Variants in GLDC observed in about 807,000 individuals in gnomAD.
The protein encoded by GLDC is glycine dehydrogenase (decarboxylating), mitochondrial.
In GLDC, 104 loss-of-function variants were observed where a neutral mutation model predicts 121.3. The observed-to-expected ratio is 0.86, with a 90% CI of 0.73 to 1.01. GLDC has a LOEUF of 1.01. Ranked by LOEUF, GLDC falls within the 50% of genes least tolerant of loss-of-function variation. The pLI is 0.00. For synonymous variants in GLDC, 546 were observed against 480.6 expected, an observed-to-expected ratio of 1.14 and a Z score of -1.78; for missense variants, 1,429 against 1,306.6, an observed-to-expected ratio of 1.09 and a Z score of -1.44.
At chr9:6,621,190 A>C (rs912400591) in intron 2 of GLDC, among the ~76,000 whole-genome samples, 1 of 152,052 alleles carries the variant, frequency 6.6e-6, no homozygotes, top group African/African-American at 2.4e-5. Flanking sequence ...CAAAAGCAAA[A>C]AAACACACCC....
At chr9:6,618,451 G>A (rs1237214735) in intron 3 of GLDC, among the ~76,000 whole-genome samples, 1 of 152,024 alleles carries the variant, frequency 6.6e-6, no homozygotes, top group Non-Finnish European at 1.5e-5. Flanking sequence ...GCGATTACAG[G>A]CATGCACCAC....
chr9:6,612,612 C>T (rs1310506001), intron 3 of GLDC, among the ~76,000 whole-genome samples: 1 of 151,994 alleles, frequency 6.6e-6, no homozygotes, highest in African/African-American at 2.4e-5. Context: ...TGTAAGTAAT[C>T]CCAGCACGTT....
chr9:6,571,666 C>T (rs1345433348), intron 15 of GLDC, among the ~76,000 whole-genome samples: 1 of 152,184 alleles, frequency 6.6e-6, no homozygotes, highest in Non-Finnish European at 1.5e-5. Context: ...TGGGATGGAA[C>T]AAGATGCTGC....
chr9:6,621,199 C>G (rs551294235), intron 2 of GLDC, among the ~76,000 whole-genome samples: 1 of 152,008 alleles, frequency 6.6e-6, no homozygotes, highest in Non-Finnish European at 1.5e-5. Context: ...AAAAACACAC[C>G]CTTATGCAGT....
At chr9:6,586,368 G>T (rs571335823) in intron 15 of GLDC, among the ~76,000 whole-genome samples, 29 of 152,166 alleles carry the variant, frequency 1.9e-4, no homozygotes, top group Non-Finnish European at 2.4e-4. Flanking sequence ...TGATCAGTGC[G>T]TCTGGAGCGG....
intron 15 of GLDC, among the ~76,000 whole-genome samples, chr9:6,583,879 C>A (rs7036653): frequency 0.54 from 81,561 of 151,922 alleles, 22,407 homozygotes; most frequent in African/African-American, 0.59. Context: ...GAAAGAGGAA[C>A]CGAAGAGTTA....
At chr9:6,626,074 A>G (rs1819231496) in intron 2 of GLDC, among the ~76,000 whole-genome samples, 1 of 151,482 alleles carries the variant, frequency 6.6e-6, no homozygotes, top group Non-Finnish European at 1.5e-5. Context: ...CCCCATAGAG[A>G]GGTGCTCAAA....
At chr9:6,553,973 C>G (rs542494677) in intron 19 of GLDC, among the ~76,000 whole-genome samples, 7 of 152,050 alleles carry the variant, frequency 4.6e-5, no homozygotes, top group African/African-American at 1.4e-4. Context: ...ATGAATCTCA[C>G]TTTAACCGTA....
intron 22 of GLDC, among the ~76,000 whole-genome samples, chr9:6,538,264 G>A (rs2026973): frequency 0.42 from 63,646 of 151,784 alleles, 13,753 homozygotes; most frequent in Admixed American, 0.51. Context: ...CTGCATCTGG[G>A]CCCTGATTCA....
chr9:6,606,605 G>T lies in GLDC; in HGVS notation c.700C>A (p.Gln234Lys). 6.3e-7 allele frequency: 1 copy of T among 1,592,348 alleles called. No individual in the cohort carries two copies. The highest frequency in any genetic ancestry group is 8.6e-7 in the Non-Finnish European group (1 of 1,160,352). Residue 234 changes from glutamine to lysine, a missense_variant, in exon 5 of 25, where the codon CAG (glutamine) becomes AAG (lysine). Gln to Lys is a moderately conservative substitution (Grantham distance 53, BLOSUM62 1). Coordinates refer to ENST00000321612, the MANE Select transcript of GLDC (RefSeq NM_000170.3). ...CAAATTAATTACTTGGCTCGAGTCT[G>T]GACAACAGCTATTGTCTGTGGGTGG... is the stretch of plus-strand genomic sequence containing the variant. Reference protein sequence around the residue: ...RCHPQTIAVVQTRAKYTGVLT... With the variant: ...RCHPQTIAVVKTRAKYTGVLT...
chr9:6,557,125 A>G (rs373239056), intron 17 of GLDC, among the ~76,000 whole-genome samples: 5 of 152,190 alleles, frequency 3.3e-5, no homozygotes, highest in East Asian at 3.8e-4. Flanking sequence ...TATATTTAAC[A>G]ATATATAATT....
Position 6,534,751 on chromosome 9 carries a change from TG to T in GLDC, c.2875del (p.His959ThrfsTer18). The part of the protein sequence containing the change: ...PHSLTCVTSS[H>X]WDRPYSREVA... ...CTCTCTGGAATAAGGCCGGTCCCAG[TG>T]GGAAGATGTAACGCAGGTCAGGGAG... On this transcript the variant is annotated frameshift_variant, in exon 24 of 25. Transcript: ENST00000321612. LOFTEE classifies it high-confidence loss of function. 1 of 1,607,992 alleles carries T rather than the reference TG, an allele frequency of 6.2e-7. No homozygotes were observed. Among genetic ancestry groups the T allele is most frequent in the Non-Finnish European group, 8.5e-7 (1 of 1,174,482 alleles).
At chr9:6,596,052 A>C (rs1051087421) in intron 8 of GLDC, among the ~76,000 whole-genome samples, 1 of 152,226 alleles carries the variant, frequency 6.6e-6, no homozygotes, top group East Asian at 1.9e-4. Flanking sequence ...AAACACTCTT[A>C]TGGACTCCTT....
intron 7 of GLDC, among the ~76,000 whole-genome samples, chr9:6,603,860 G>C (rs953712243): frequency 1.3e-5 from 2 of 151,250 alleles, no homozygotes; most frequent in African/African-American, 4.9e-5. Context: ...CTCCCAAGTA[G>C]CTGGGACTAC....
At chr9:6,629,837 G>T (rs1327919205) in intron 2 of GLDC, among the ~76,000 whole-genome samples, 2 of 149,106 alleles carry the variant, frequency 1.3e-5, no homozygotes, top group African/African-American at 5.0e-5. Flanking sequence ...ATGTGCATCT[G>T]TTTATATATT....
At position 6,553,527 on chromosome 9, in the gene GLDC, G is replaced by A. The variant is rs1330113346; in HGVS notation, c.2316-18C>T. 1.9e-6 allele frequency: 3 copies of A among 1,611,932 alleles called. No homozygotes were observed. The highest frequency in any genetic ancestry group is 2.5e-6 in the Non-Finnish European group (3 of 1,178,158). ...GTTTCTTCCTGTATTTTTTTTAAGT[G>A]CAAATTCAGAAAATGTAAACGATTC... On this transcript the variant is annotated intron_variant, in intron 19 of 24. Transcript: ENST00000321612.
At chr9:6,533,664 G>T (rs577701508) in intron 24 of GLDC, among the ~76,000 whole-genome samples, 1 of 151,948 alleles carries the variant, frequency 6.6e-6, no homozygotes, top group African/African-American at 2.4e-5. Context: ...TTCGAGACCA[G>T]CCTGATCGAC....
chr9:6,603,363 T>C (rs545628178), intron 7 of GLDC, among the ~76,000 whole-genome samples: 4 of 152,180 alleles, frequency 2.6e-5, no homozygotes, highest in Non-Finnish European at 4.4e-5. Context: ...CACCTGGTAA[T>C]CCGAGCATTT....
chr9:6,587,579 A>G (rs1001296613), intron 14 of GLDC, among the ~76,000 whole-genome samples: 1 of 152,222 alleles, frequency 6.6e-6, no homozygotes, highest in Non-Finnish European at 1.5e-5. Context: ...ATGAAACACA[A>G]TGAGTTGCTT....
Sources: allele counts gnomAD v4.1 joint callset (sites outside exome capture counted in the v4.1 genomes callset), GRCh38; gene constraint gnomAD v4.1.1; transcripts MANE v1.5; gene names NCBI Gene and HGNC (gene_info 2026-07-23, HGNC 2026-07-21).